The following UQCC1 variants were observed in gnomAD, a reference collection of about 807,000 sequenced individuals.
The protein encoded by UQCC1 is ubiquinol-cytochrome c reductase complex assembly factor 1, also known as bFGF-repressed Zic-binding protein.
Under a neutral mutation model 48.0 loss-of-function variants are expected in UQCC1, and 38 were observed. That is an observed-to-expected ratio of 0.79 (90% CI 0.61 to 1.04). The LOEUF (loss-of-function observed/expected upper bound fraction) is 1.04. UQCC1 is among the 50% of genes least tolerant of loss of function. The pLI is 0.00. For synonymous variants in UQCC1, 111 were observed against 129.2 expected, an observed-to-expected ratio of 0.86 and a Z score of 0.95; for missense variants, 368 against 381.8, an observed-to-expected ratio of 0.96 and a Z score of 0.30.
chr20:35,373,539 T>G (rs1448465319), intron 5 of UQCC1, among the ~76,000 whole-genome samples: 2 of 151,818 alleles, frequency 1.3e-5, no homozygotes, highest in Middle Eastern at 3.2e-3. Flanking sequence ...ATTAGCTGGG[T>G]ATGGTGGCAC....
chr20:35,365,279 C>T (rs560073325), intron 6 of UQCC1, among the ~76,000 whole-genome samples: 1 of 152,324 alleles, frequency 6.6e-6, no homozygotes, highest in South Asian at 2.1e-4. Flanking sequence ...CCTCACTAGA[C>T]TGTGAGCTTC....
At chr20:35,321,275 TGTGTGTGTGCGCGCGC>T (rs972181855) in intron 7 of UQCC1, among the ~76,000 whole-genome samples, 7 of 145,696 alleles carry the variant, frequency 4.8e-5, no homozygotes, top group African/African-American at 1.9e-4. Context: ...TGTGTGTGTG[TGTGTGTGTGCGCGCGC>T]GCGCGCGCAC....
chr20:35,337,211 C>CAA (rs1179123926), intron 7 of UQCC1, among the ~76,000 whole-genome samples: 4 of 147,892 alleles, frequency 2.7e-5, no homozygotes, highest in Non-Finnish European at 4.4e-5. Context: ...TTTTTTGAGA[C>CAA]AGAGTCTTGC....
At chr20:35,354,897 A>G (rs892311927) in intron 6 of UQCC1, among the ~76,000 whole-genome samples, 2 of 152,340 alleles carry the variant, frequency 1.3e-5, no homozygotes, top group Non-Finnish European at 2.9e-5. Flanking sequence ...ATATTCCTAC[A>G]GTATATTTCT....
At chr20:35,313,393 A>G in intron 8 of UQCC1, among the ~76,000 whole-genome samples, 1 of 150,990 alleles carries the variant, frequency 6.6e-6, no homozygotes, top group South Asian at 2.1e-4. Flanking sequence ...AAAAAAAAAA[A>G]AAAAAAGATG....
intron 5 of UQCC1, among the ~76,000 whole-genome samples, chr20:35,370,585 T>C (rs2061719558): frequency 6.6e-6 from 1 of 152,204 alleles, no homozygotes; most frequent in African/African-American, 2.4e-5. Context: ...GAACATGCTA[T>C]AGGTCTCAAA....
At chr20:35,386,510 T>G (rs1286351221) in intron 2 of UQCC1, 6 of 362,526 alleles carry the variant, frequency 1.7e-5, no homozygotes. Flanking sequence ...ACTTAGGCTT[T>G]AATTCATAAG....
In UQCC1 at chr20:35,351,348, C is replaced by T. The variant is rs183786761; in HGVS notation, c.465-4076G>A. On this transcript the variant is annotated intron_variant, in intron 6 of 9. Coordinates refer to ENST00000374385, the MANE Select transcript of UQCC1 (RefSeq NM_018244.5). ...AGAGATTGCAGTAAGTCAAAGATCA[C>T]GCCACTGCACTCCAGCCTGGGCAAC... is the stretch of plus-strand genomic sequence containing the variant. Among the ~76,000 whole-genome samples, 7 of 150,288 alleles carry T rather than the reference C, an allele frequency of 4.7e-5. No individual in the cohort carries two copies. The East Asian group carries it at 1.2e-3, about 25-fold the overall frequency.
chr20:35,409,472 G>GAAAA, intron 1 of UQCC1: 1 of 125,808 alleles, frequency 7.9e-6, no homozygotes, highest in Non-Finnish European at 1.7e-5. Flanking sequence ...CTCCGTCTCA[G>GAAAA]AAAAAAAAAA....
intron 6 of UQCC1, among the ~76,000 whole-genome samples, chr20:35,351,274 C>G (rs2061487489): frequency 6.6e-6 from 1 of 151,408 alleles, no homozygotes; most frequent in African/African-American, 2.4e-5. Context: ...GCCTGTAATC[C>G]CAGCTACTCG....
At chr20:35,370,227 CTTGT>C (rs1040284505) in intron 5 of UQCC1, among the ~76,000 whole-genome samples, 4 of 149,878 alleles carry the variant, frequency 2.7e-5, no homozygotes, top group African/African-American at 9.7e-5. Flanking sequence ...ACTGCTTTCT[CTTGT>C]TTCTTTTTTT....
intron 8 of UQCC1, 59 bp downstream of exon 8, chr20:35,314,629 T>C (rs1039300620): frequency 1.9e-5 from 28 of 1,471,308 alleles, no homozygotes; most frequent in Non-Finnish European, 2.5e-5. Context: ...GAGGCTCTCA[T>C]CAAAAGCCTT....
chr20:35,328,480 C>T lies in UQCC1; in HGVS notation c.574-13715G>A, dbSNP rs1364885311. 2.0e-5 allele frequency among the ~76,000 whole-genome samples: 3 copies of T among 152,176 alleles called. No homozygotes were observed. In the East Asian group the frequency reaches 5.8e-4, roughly 29 times the overall value. On this transcript the variant is annotated intron_variant, in intron 7 of 9. Coordinates refer to ENST00000374385, the MANE Select transcript of UQCC1 (RefSeq NM_018244.5). ...GATAACTCATTTATCCCTCACAATG[C>T]TACAAGCGATGTAAGGTGGGTATTA... is the stretch of plus-strand genomic sequence containing the variant.
intron 1 of UQCC1, among the ~76,000 whole-genome samples, chr20:35,395,904 C>A (rs185466042): frequency 6.6e-6 from 1 of 151,346 alleles, no homozygotes; most frequent in African/African-American, 2.4e-5. Context: ...CGGGCTCCCT[C>A]TGGGAAGAGA....
Position 35,303,274 on chromosome 20 carries a change from C to T in UQCC1, c.*661G>A, listed in dbSNP as rs890863545. 6.6e-6 allele frequency: 1 copy of T among 152,268 alleles called. No individual in the cohort carries two copies. The allele number at this position is 152,268 out of a possible 1,614,324, so 9.4% of individuals were successfully genotyped here. A position where few individuals can be genotyped will look rare whatever the true frequency, so the allele number is the denominator to read the frequency against. Reference sequence around the variant, plus strand: ...GCCTCCTGGGTCCCAGACGACAGGCCTGGCTGGCTGTATCTTGGCCTGAAC... The same window carrying T: ...GCCTCCTGGGTCCCAGACGACAGGCTTGGCTGGCTGTATCTTGGCCTGAAC... On this transcript the variant is annotated 3_prime_UTR_variant, in exon 10 of 10. Transcript: ENST00000374385.
chr20:35,310,571 G>A (rs1424497926), intron 8 of UQCC1, among the ~76,000 whole-genome samples: 4 of 148,028 alleles, frequency 2.7e-5, no homozygotes, highest in African/African-American at 1.0e-4. Flanking sequence ...CCTTAAACCC[G>A]GGAGGTGGAG....
chr20:35,388,602 G>A (rs1234181763), intron 2 of UQCC1, among the ~76,000 whole-genome samples: 1 of 152,070 alleles, frequency 6.6e-6, no homozygotes, highest in East Asian at 1.9e-4. Flanking sequence ...TTAGAAATTA[G>A]AACACAAAGG....
At chr20:35,397,539 A>C (rs28524143) in intron 1 of UQCC1, among the ~76,000 whole-genome samples, 1 of 151,910 alleles carries the variant, frequency 6.6e-6, no homozygotes, top group African/African-American at 2.4e-5. Context: ...GAAAAAAGAA[A>C]AAAAAATCAG....
chr20:35,313,590 T>A (rs1475644155), intron 8 of UQCC1, among the ~76,000 whole-genome samples: 1 of 152,160 alleles, frequency 6.6e-6, no homozygotes, highest in African/African-American at 2.4e-5. Context: ...AGTTTTCGTC[T>A]GGAGCAGGGT....
Sources: allele counts gnomAD v4.1 joint callset (sites outside exome capture counted in the v4.1 genomes callset), GRCh38; gene constraint gnomAD v4.1.1; transcripts MANE v1.5; gene names NCBI Gene and HGNC (gene_info 2026-07-23, HGNC 2026-07-21).